Variants in RALGPS1 observed in about 807,000 individuals in gnomAD.
RALGPS1 encodes ras-specific guanine nucleotide-releasing factor RalGPS1.
In RALGPS1, 19 loss-of-function variants were observed where a neutral mutation model predicts 78.8. The ratio of observed to expected loss-of-function variants is 0.24; its 90% CI spans 0.17 to 0.35. RALGPS1 has a LOEUF of 0.35. Among genes scored for constraint, RALGPS1 ranks in the 10% least tolerant of loss-of-function variants. The pLI is 1.00. For missense variants in RALGPS1, 454 were observed against 688.3 expected, an observed-to-expected ratio of 0.66 and a Z score of 3.81; for synonymous variants, 228 against 256.3, an observed-to-expected ratio of 0.89 and a Z score of 1.06.
chr9:127,182,360 TCCTTCCTTCCTCCCTCCCTCCCTCCCTC>T (rs2060296118), intron 11 of RALGPS1, among the ~76,000 whole-genome samples: 1 of 43,438 alleles, frequency 2.3e-5, no homozygotes, highest in African/African-American at 6.3e-5. Context: ...CTCCCTTCCT[TCCTTCCTTCCTCCCTCCCTCCCTCCCTC>T]CCTCCCTCCC....
Position 126,949,084 on chromosome 9 carries a change from C to T in RALGPS1, c.-65-13141C>T, listed in dbSNP as rs898336688. Among the ~76,000 whole-genome samples the T allele has an allele frequency of 1.7e-4, 26 of 151,834 alleles. 1 individual carries two copies. Among genetic ancestry groups the T allele is most frequent in the African/African-American group, 6.1e-4 (25 of 41,268 alleles). ...TGCGGTGTTTGGTTTTTTGTCCTTG[C>T]GATAGTTTACTGAGGATGATTTCCA... On this transcript the variant is annotated intron_variant, in intron 1 of 18. Transcript: ENST00000259351.
chr9:127,000,938 A>G (rs1035981993), intron 4 of RALGPS1, among the ~76,000 whole-genome samples: 7 of 151,732 alleles, frequency 4.6e-5, no homozygotes, highest in Non-Finnish European at 1.0e-4. Flanking sequence ...AGTGGCTAAG[A>G]ATATGGTCAA....
chr9:127,217,089 G>A (rs1265081003), intron 18 of RALGPS1: 1 of 1,384,876 alleles, frequency 7.2e-7, no homozygotes, highest in African/African-American at 1.5e-5. Context: ...AGCGGCCAGA[G>A]GATGACAGCA....
chr9:126,965,232 C>T (rs1316076915), intron 2 of RALGPS1, among the ~76,000 whole-genome samples: 1 of 152,220 alleles, frequency 6.6e-6, no homozygotes, highest in African/African-American at 2.4e-5. Context: ...GGTTACCTCT[C>T]ACCTCATTAG....
Position 127,091,570 on chromosome 9 carries a change from C to T in RALGPS1, c.610+22214C>T. The T allele has an allele frequency of 6.7e-7, 1 of 1,493,380 alleles. No homozygotes were observed. The highest frequency in any genetic ancestry group is 1.3e-5 in the South Asian group (1 of 76,032). The allele number at this position is 1,493,380 out of a possible 1,614,324, so 92.5% of individuals were successfully genotyped here. ...GCAGCTTGGCCCAGCTGCTTCTCAC[C>T]CTGGGATCTTCCCGTTTCCAAGCCC... On this transcript the variant is annotated intron_variant, in intron 8 of 18. Coordinates refer to ENST00000259351, the MANE Select transcript of RALGPS1 (RefSeq NM_014636.3). This position sits in a 1 kb window ranked among gnomAD's most constrained non-coding sequence, Gnocchi z 4.3.
intron 4 of RALGPS1, among the ~76,000 whole-genome samples, chr9:126,985,729 C>T (rs2041738421): frequency 6.6e-6 from 1 of 152,174 alleles, no homozygotes; most frequent in Admixed American, 6.5e-5. Context: ...TGGGCCTCTC[C>T]CCTGGACTTT....
rs968251825 is a variant in RALGPS1 at position 127,221,482 on chromosome 9, C to T, written c.*2713C>T. The T allele has an allele frequency of 6.6e-6, 1 of 152,142 alleles. No homozygotes were observed. The highest frequency in any genetic ancestry group is 2.4e-5 in the African/African-American group (1 of 41,428). 9.4% of individuals were successfully genotyped at this position (152,142 alleles called of 1,614,324 possible). ...GTCTCAAGAACAACTCACCTCTCTC[C>T]CTAGGACTAATTTTTGTCTCTCTCA... On this transcript the variant is annotated 3_prime_UTR_variant, in exon 19 of 19. Coordinates refer to ENST00000259351, the MANE Select transcript of RALGPS1 (RefSeq NM_014636.3).
chr9:127,029,801 A>G (rs1391543289), intron 4 of RALGPS1, among the ~76,000 whole-genome samples: 2 of 152,184 alleles, frequency 1.3e-5, no homozygotes, highest in Non-Finnish European at 2.9e-5. Flanking sequence ...AGACACGGTC[A>G]GGGTTGGGCC....
chr9:127,036,918 T>C (rs1307467434), intron 5 of RALGPS1, among the ~76,000 whole-genome samples: 1 of 152,206 alleles, frequency 6.6e-6, no homozygotes, highest in Non-Finnish European at 1.5e-5. Flanking sequence ...GAAGTTTATG[T>C]GTGGACATTT....
intron 8 of RALGPS1, among the ~76,000 whole-genome samples, chr9:127,123,823 GA>G (rs1035200574): frequency 6.6e-6 from 1 of 152,164 alleles, no homozygotes; most frequent in Non-Finnish European, 1.5e-5. Context: ...ACCCTGCGGG[GA>G]TACAGAGAGT....
At chr9:127,217,230 C>T (rs2062635087) in intron 18 of RALGPS1, 1 of 1,215,986 alleles carries the variant, frequency 8.2e-7, no homozygotes, top group African/African-American at 1.6e-5. Flanking sequence ...ATTTTCAGAC[C>T]TGGAGGAGGG....
At position 126,918,279 on chromosome 9, in the gene RALGPS1, A is replaced by G. The variant is rs16929413; in HGVS notation, c.-66+3304A>G. Among the ~76,000 whole-genome samples, 155 of 152,342 alleles carry G rather than the reference A, an allele frequency of 1.0e-3. 1 individual carries two copies. In the East Asian group the frequency reaches 0.013, roughly 12 times the overall value. ...ACATACATAATTCTTCATGGTTGCA[A>G]TCGTACGTATGTAAGCATTTGGGAA... On this transcript the variant is annotated intron_variant, in intron 1 of 18. Transcript: ENST00000259351.
At chr9:126,951,788 C>T (rs868373851) in intron 1 of RALGPS1, among the ~76,000 whole-genome samples, 69 of 152,340 alleles carry the variant, frequency 4.5e-4, no homozygotes, top group Non-Finnish European at 7.5e-4. Flanking sequence ...CTCACCACTC[C>T]TATTCAACAT....
intron 3 of RALGPS1, among the ~76,000 whole-genome samples, chr9:126,977,097 A>T (rs1345253734): frequency 6.6e-6 from 1 of 152,204 alleles, no homozygotes; most frequent in Admixed American, 6.5e-5. Flanking sequence ...TGCAAGTTCC[A>T]AATGCTTGCT....
chr9:126,965,047 A>G (rs979247563), intron 2 of RALGPS1, among the ~76,000 whole-genome samples: 8 of 152,214 alleles, frequency 5.3e-5, no homozygotes, highest in African/African-American at 1.9e-4. Flanking sequence ...AAGAGAAAGT[A>G]TATTCAACAT....
intron 10 of RALGPS1, among the ~76,000 whole-genome samples, chr9:127,169,154 C>T (rs1188212293): frequency 1.3e-5 from 2 of 152,216 alleles, no homozygotes; most frequent in East Asian, 1.9e-4. Flanking sequence ...TCACAAGTGA[C>T]TCCCCCACCC....
chr9:127,058,036 T>G (rs1035618030), intron 7 of RALGPS1, among the ~76,000 whole-genome samples: 5 of 152,324 alleles, frequency 3.3e-5, no homozygotes, highest in East Asian at 1.9e-4. Context: ...TCAGGCCATG[T>G]ACTTTCAGTC....
intron 8 of RALGPS1, among the ~76,000 whole-genome samples, chr9:127,157,231 TA>T (rs2058750438): frequency 6.6e-6 from 1 of 152,116 alleles, no homozygotes; most frequent in African/African-American, 2.4e-5. Flanking sequence ...GTATGTTAAT[TA>T]GGCAATAATT....
At chr9:127,023,795 G>A (rs1308072910) in intron 4 of RALGPS1, among the ~76,000 whole-genome samples, 1 of 152,168 alleles carries the variant, frequency 6.6e-6, no homozygotes, top group African/African-American at 2.4e-5. Flanking sequence ...CAGCACTTTG[G>A]GAGGCCGAGG....
Sources: gnomAD v4.1 joint callset for allele counts (sites outside exome capture counted in the v4.1 genomes callset) on GRCh38, gnomAD v4.1.1 for gene constraint, Gnocchi (gnomAD v3.1) non-coding constraint, MANE v1.5 for transcripts, NCBI Gene and HGNC (gene_info 2026-07-23, HGNC 2026-07-21) for gene names.